NTRK2: variants seen among roughly 807,000 people sequenced by gnomAD.
NTRK2 encodes neurotrophic receptor tyrosine kinase 2.
A neutral mutation model predicts 94.5 loss-of-function variants in NTRK2; 13 were observed. The observed-to-expected ratio is 0.14, with a 90% CI of 0.09 to 0.22. NTRK2 has a LOEUF of 0.22. NTRK2 is among the 10% of genes least tolerant of loss of function. The probability of loss-of-function intolerance (pLI) is 1.00; values close to 1 mark genes in which losing one functional copy is unlikely to be tolerated. For synonymous variants in NTRK2, 372 were observed against 407.4 expected (o/e 0.91, Z 1.05); for missense variants, 639 against 1,071.2 (o/e 0.60, Z 5.63).
chr9:84,747,570 C>A (rs1421897612), intron 11 of NTRK2, among the ~76,000 whole-genome samples: 1 of 150,914 alleles, frequency 6.6e-6, no homozygotes, highest in South Asian at 2.1e-4. Context: ...CTCTGCCTGC[C>A]GGGTTCATGC....
At chr9:84,775,108 C>T (rs1439670174) in intron 12 of NTRK2, among the ~76,000 whole-genome samples, 1 of 152,184 alleles carries the variant, frequency 6.6e-6, no homozygotes, top group Admixed American at 6.5e-5. Context: ...GGGCTGATGA[C>T]AGTCTTAAAT....
intron 8 of NTRK2, among the ~76,000 whole-genome samples, chr9:84,727,168 C>T (rs986831685): frequency 6.6e-6 from 1 of 152,066 alleles, no homozygotes; most frequent in African/African-American, 2.4e-5. Flanking sequence ...GATCTGTTTT[C>T]GAAGTTATGT....
chr9:84,844,443 G>A (rs954702078), intron 12 of NTRK2, among the ~76,000 whole-genome samples: 3 of 152,248 alleles, frequency 2.0e-5, no homozygotes, highest in African/African-American at 4.8e-5. Flanking sequence ...TTTGTAAGGG[G>A]AGGGGAAAAA....
intron 16 of NTRK2, among the ~76,000 whole-genome samples, chr9:84,953,678 A>G (rs983558487): frequency 2.1e-4 from 32 of 152,222 alleles, no homozygotes; most frequent in Non-Finnish European, 2.4e-4. Flanking sequence ...CAAAAACAGG[A>G]AACTCCTCCC....
chr9:84,848,578 A>AACTC (rs1280331324), intron 12 of NTRK2, among the ~76,000 whole-genome samples: 1 of 152,202 alleles, frequency 6.6e-6, no homozygotes, highest in Admixed American at 6.5e-5. Flanking sequence ...ACCTTTATGG[A>AACTC]ACTCATCTTT....
At chr9:84,808,959 A>G (rs543545986) in intron 12 of NTRK2, among the ~76,000 whole-genome samples, 1 of 152,344 alleles carries the variant, frequency 6.6e-6, no homozygotes, top group East Asian at 1.9e-4. Context: ...GGCGTCTTCC[A>G]AAGTTGAACT....
chr9:84,717,050 G>A (rs2061751639), intron 6 of NTRK2, among the ~76,000 whole-genome samples: 2 of 152,192 alleles, frequency 1.3e-5, no homozygotes, highest in African/African-American at 2.4e-5. Context: ...AGGTTATAGG[G>A]TTTTAGTATT....
At chr9:84,950,599 T>A (rs2078746614) in intron 16 of NTRK2, among the ~76,000 whole-genome samples, 1 of 152,192 alleles carries the variant, frequency 6.6e-6, no homozygotes, top group Non-Finnish European at 1.5e-5. Context: ...ATGTTTTTTT[T>A]TTTTTTAATT....
At chr9:84,824,309 GCT>G (rs1400047481) in intron 12 of NTRK2, among the ~76,000 whole-genome samples, 1 of 152,178 alleles carries the variant, frequency 6.6e-6, no homozygotes, top group African/African-American at 2.4e-5. Context: ...GCAATCTGTG[GCT>G]CTCCCTAGTC....
chr9:84,671,070 A>G, intron 2 of NTRK2, 110 bp downstream of exon 2: 1 of 1,041,822 alleles, frequency 9.6e-7, no homozygotes, highest in Non-Finnish European at 1.4e-6. Context: ...GAGAAGTCAA[A>G]GACAAGGGAT....
At chr9:84,799,290 T>A (rs2070083913) in intron 12 of NTRK2, among the ~76,000 whole-genome samples, 1 of 152,140 alleles carries the variant, frequency 6.6e-6, no homozygotes, top group African/African-American at 2.4e-5. Flanking sequence ...AGCCTGCTGT[T>A]CTCCTAAGTC....
At chr9:84,735,523 T>C (rs1588250265) in intron 9 of NTRK2, among the ~76,000 whole-genome samples, 1 of 152,216 alleles carries the variant, frequency 6.6e-6, no homozygotes, top group Non-Finnish European at 1.5e-5. Context: ...TGACTTTCCC[T>C]GAGGATATCA....
At chr9:84,855,660 C>T (rs1254992154) in intron 12 of NTRK2, among the ~76,000 whole-genome samples, 1 of 150,908 alleles carries the variant, frequency 6.6e-6, no homozygotes, top group Non-Finnish European at 1.5e-5. Flanking sequence ...AAGTGGATCA[C>T]AGTTCAAACA....
intron 2 of NTRK2, among the ~76,000 whole-genome samples, chr9:84,695,934 C>G (rs2060349363): frequency 6.6e-6 from 1 of 152,186 alleles, no homozygotes; most frequent in Non-Finnish European, 1.5e-5. Flanking sequence ...TTTGAAGAAT[C>G]ATGGAGGCCA....
intron 12 of NTRK2, among the ~76,000 whole-genome samples, chr9:84,779,044 T>A (rs1317067810): frequency 2.6e-5 from 4 of 152,198 alleles, no homozygotes; most frequent in Admixed American, 6.5e-5. Flanking sequence ...AGTGCCTCCT[T>A]CCCTCTCCCT....
chr9:84,753,316 G>A (rs991868632), intron 12 of NTRK2, among the ~76,000 whole-genome samples: 2 of 152,088 alleles, frequency 1.3e-5, no homozygotes, highest in African/African-American at 4.8e-5. Flanking sequence ...CTGTGGGGTG[G>A]TTCTCAAACT....
intron 14 of NTRK2, among the ~76,000 whole-genome samples, chr9:84,904,226 A>G (rs994768223): frequency 8.5e-5 from 13 of 152,210 alleles, no homozygotes; most frequent in African/African-American, 2.9e-4. Context: ...ATGCTGTAAA[A>G]GGTTTAATTA....
chr9:84,989,555 A>G (rs1013562008), intron 17 of NTRK2, among the ~76,000 whole-genome samples: 2 of 152,230 alleles, frequency 1.3e-5, no homozygotes, highest in African/African-American at 4.8e-5. Flanking sequence ...AATTTCTAAA[A>G]CTGCAATTGA....
intron 4 of NTRK2, among the ~76,000 whole-genome samples, chr9:84,705,375 C>T (rs1404390623): frequency 3.3e-5 from 5 of 152,188 alleles, no homozygotes; most frequent in African/African-American, 4.8e-5. Context: ...AATTAGCTCC[C>T]TTGCAAAGCT....
Sources: allele counts gnomAD v4.1 joint callset (sites outside exome capture counted in the v4.1 genomes callset), GRCh38; gene constraint gnomAD v4.1.1; transcripts MANE v1.5; gene names NCBI Gene and HGNC (gene_info 2026-07-23, HGNC 2026-07-21).